ADORA2B: variants seen among roughly 807,000 people sequenced by gnomAD.
ADORA2B encodes adenosine A2b receptor, also known as adenosine receptor A2b.
Under a neutral mutation model 20.8 loss-of-function variants are expected in ADORA2B, and 18 were observed. The observed-to-expected ratio is 0.87, with a 90% CI of 0.60 to 1.29. The LOEUF (loss-of-function observed/expected upper bound fraction) is 1.29. ADORA2B is among the 50% of genes most tolerant of loss of function. The pLI, the probability that ADORA2B is intolerant of heterozygous loss-of-function variation, is 0.00. For missense variants in ADORA2B, 441 were observed against 422.7 expected (o/e 1.04, Z -0.38); for synonymous variants, 179 against 178.3 (o/e 1.00, Z -0.03).
At chr17:15,874,500 C>A in the ADORA2B span, among the ~76,000 whole-genome samples, 8 of 150,076 alleles carry the variant, frequency 5.3e-5, no homozygotes, top group Admixed American at 4.7e-4. Flanking sequence ...CCAGCCTGGG[C>A]AACATCATGA....
chr17:15,884,428 T>C, the ADORA2B span, among the ~76,000 whole-genome samples: 1 of 152,260 alleles, frequency 6.6e-6, no homozygotes, highest in African/African-American at 2.4e-5. Flanking sequence ...ACTTCTGGGG[T>C]ACACGTTCAG....
At chr17:15,946,019 G>GT (rs1969801051) in intron 1 of ADORA2B, among the ~76,000 whole-genome samples, 1 of 152,202 alleles carries the variant, frequency 6.6e-6, no homozygotes. Context: ...CGGCAGTCCC[G>GT]TGAGTGCTGC....
chr17:15,898,979 C>G, the ADORA2B span, among the ~76,000 whole-genome samples: 2 of 152,048 alleles, frequency 1.3e-5, no homozygotes, highest in African/African-American at 2.4e-5. Flanking sequence ...CCCATAATCC[C>G]AGCATTTTGG....
intron 1 of ADORA2B, among the ~76,000 whole-genome samples, chr17:15,950,368 T>A (rs1258862710): frequency 1.3e-5 from 2 of 152,092 alleles, no homozygotes; most frequent in African/African-American, 4.8e-5. Flanking sequence ...TGGGGCTTTG[T>A]CAGAGCAGCA....
the ADORA2B span, among the ~76,000 whole-genome samples, chr17:15,920,659 TGCAGTGA>T: frequency 1.3e-5 from 2 of 149,494 alleles, no homozygotes; most frequent in Admixed American, 6.7e-5. Context: ...AGGTGGAGGT[TGCAGTGA>T]GCCAAGATCG....
At chr17:15,940,489 G>A (rs1969734375), upstream of ADORA2B, among the ~76,000 whole-genome samples, 1 of 152,202 alleles carries the variant, frequency 6.6e-6, no homozygotes, top group Non-Finnish European at 1.5e-5. Context: ...GGGAGCTGAG[G>A]CCTGGAGAGA....
At chr17:15,855,228 A>G in the ADORA2B span, among the ~76,000 whole-genome samples, 4 of 152,108 alleles carry the variant, frequency 2.6e-5, no homozygotes, top group Admixed American at 2.6e-4. Context: ...ACCACACCCG[A>G]CCAGATTTAA....
chr17:15,964,807 A>G (rs1191636276), intron 1 of ADORA2B, among the ~76,000 whole-genome samples: 1 of 151,766 alleles, frequency 6.6e-6, no homozygotes, highest in Non-Finnish European at 1.5e-5. Context: ...CACGCCTGTA[A>G]CCCCAGCACT....
the ADORA2B span, among the ~76,000 whole-genome samples, chr17:15,912,487 C>G: frequency 6.6e-6 from 1 of 152,172 alleles, no homozygotes; most frequent in Non-Finnish European, 1.5e-5. Flanking sequence ...CCTTTTTCTC[C>G]CTAGGGCCTC....
the ADORA2B span, among the ~76,000 whole-genome samples, chr17:15,931,629 T>G: frequency 6.6e-5 from 10 of 152,200 alleles, no homozygotes; most frequent in Non-Finnish European, 1.5e-4. Context: ...ACTTCACCTC[T>G]CTACACAGGA....
At chr17:15,863,195 A>G in the ADORA2B span, among the ~76,000 whole-genome samples, 1 of 152,216 alleles carries the variant, frequency 6.6e-6, no homozygotes, top group South Asian at 2.1e-4. Flanking sequence ...GGCTATGGGT[A>G]TATTAATATG....
chr17:15,917,936 T>C, the ADORA2B span, among the ~76,000 whole-genome samples: 5 of 152,154 alleles, frequency 3.3e-5, no homozygotes, highest in Non-Finnish European at 7.4e-5. Context: ...CCTCCCTCCC[T>C]CTCGAGCCTG....
the ADORA2B span, among the ~76,000 whole-genome samples, chr17:15,894,359 AGACAGT>A: frequency 2.0e-5 from 3 of 152,324 alleles, no homozygotes; most frequent in East Asian, 5.8e-4. Context: ...AGATGAGGGG[AGACAGT>A]GGCAGTGATG....
Position 15,975,113 on chromosome 17 carries a change from C to T in ADORA2B, c.770C>T (p.Thr257Ile). ...WLPVHAVNCV[T>I]LFQPAQGKNK... Reference sequence around the variant, plus strand: ...CCTGTGCATGCTGTTAACTGTGTCACTCTTTTCCAGCCAGCTCAGGGTAAA... The same window carrying T: ...CCTGTGCATGCTGTTAACTGTGTCATTCTTTTCCAGCCAGCTCAGGGTAAA... Residue 257 changes from threonine (T) to isoleucine (I), a missense_variant, in exon 2 of 2, where the codon ACT becomes ATT. By Grantham distance (89) the Thr-to-Ile change is moderately conservative. Transcript: ENST00000304222. 6.2e-7 allele frequency: 1 copy of T among 1,614,166 alleles called. No individual in the cohort carries two copies. The highest frequency in any genetic ancestry group is 1.1e-5 in the South Asian group (1 of 91,074).
chr17:15,971,049 C>T (rs971729235), intron 1 of ADORA2B, among the ~76,000 whole-genome samples: 2 of 152,218 alleles, frequency 1.3e-5, no homozygotes, highest in African/African-American at 4.8e-5. Context: ...CTAGACCAAT[C>T]ATGAGAATGG....
At chr17:15,867,969 T>C in the ADORA2B span, among the ~76,000 whole-genome samples, 1 of 151,392 alleles carries the variant, frequency 6.6e-6, no homozygotes, top group Non-Finnish European at 1.5e-5. Context: ...ATCGGATGGT[T>C]GCCGTGTCTG....
the ADORA2B span, among the ~76,000 whole-genome samples, chr17:15,887,711 G>T: frequency 2.4e-5 from 3 of 127,046 alleles, 1 homozygote; most frequent in Non-Finnish European, 4.9e-5. Flanking sequence ...ACTTTGGGAG[G>T]TTGAGGCAGA....
intron 1 of ADORA2B, among the ~76,000 whole-genome samples, chr17:15,967,947 A>G (rs1970141747): frequency 6.6e-6 from 1 of 152,202 alleles, no homozygotes; most frequent in African/African-American, 2.4e-5. Flanking sequence ...AGCAAAGCCT[A>G]TCTGTTCCAA....
At chr17:15,955,021 T>C (rs1463670998) in intron 1 of ADORA2B, among the ~76,000 whole-genome samples, 3 of 152,248 alleles carry the variant, frequency 2.0e-5, no homozygotes, top group South Asian at 4.1e-4. Context: ...TCATTGAGGA[T>C]GGCACTAGTA....
Sources: allele counts gnomAD v4.1 joint callset (sites outside exome capture counted in the v4.1 genomes callset), GRCh38; gene constraint gnomAD v4.1.1; transcripts MANE v1.5; gene names NCBI Gene and HGNC (gene_info 2026-07-23, HGNC 2026-07-21).